Variants in B4GALNT3 observed in about 807,000 individuals in gnomAD.
B4GALNT3 encodes beta-1,4-N-acetyl-galactosaminyltransferase 3, also known as beta-1,4-N-acetylgalactosaminyltransferase 3.
In B4GALNT3, 86 loss-of-function variants were observed where a neutral mutation model predicts 120.2. The ratio of observed to expected loss-of-function variants is 0.72; its 90% CI spans 0.60 to 0.86. The LOEUF (loss-of-function observed/expected upper bound fraction) is 0.86. Ranked by LOEUF, B4GALNT3 falls within the 40% of genes least tolerant of loss-of-function variation. The pLI is 0.00. For synonymous variants in B4GALNT3, 518 were observed against 510.4 expected (o/e 1.01, Z -0.20); for missense variants, 1,167 against 1,298.9 (o/e 0.90, Z 1.56).
chr12:556,476 C>A, intron 14 of B4GALNT3, 71 bp from the exon 15 acceptor site: 2 of 1,437,332 alleles, frequency 1.4e-6, no homozygotes, highest in Non-Finnish European at 1.9e-6. Context: ...GCTTTGCAGG[C>A]TTCTCACACA....
rs761597300 is a variant in B4GALNT3 at position 549,922 on chromosome 12, C to T, written c.997+10C>T. 3.8e-5 allele frequency: 61 copies of T among 1,605,526 alleles called. No individual in the cohort carries two copies. Among genetic ancestry groups the T allele is most frequent in the South Asian group, 3.4e-4 (31 of 89,960 alleles). On this transcript the variant is annotated intron_variant, in intron 10 of 19. Coordinates refer to ENST00000266383, the MANE Select transcript of B4GALNT3 (RefSeq NM_173593.4). ...GACACCCTCTATCGAGGTAAGGCCTCGGCCAGCGCTTGGCGTCCTTTCTGG... is the reference window on the plus strand; with the variant it reads ...GACACCCTCTATCGAGGTAAGGCCTTGGCCAGCGCTTGGCGTCCTTTCTGG...
chr12:496,461 G>T (rs928321922), intron 1 of B4GALNT3, among the ~76,000 whole-genome samples: 1 of 152,060 alleles, frequency 6.6e-6, no homozygotes, highest in African/African-American at 2.4e-5. Flanking sequence ...TTGTCCAGGC[G>T]TGGTGGCACA....
At chr12:541,022 C>G (rs1016737319) in intron 3 of B4GALNT3, among the ~76,000 whole-genome samples, 1 of 152,226 alleles carries the variant, frequency 6.6e-6, no homozygotes, top group African/African-American at 2.4e-5. Context: ...GGATTACAGG[C>G]GTGAGCCACC....
At chr12:532,136 G>A (rs2120654035) in intron 1 of B4GALNT3, among the ~76,000 whole-genome samples, 1 of 152,268 alleles carries the variant, frequency 6.6e-6, no homozygotes, top group Non-Finnish European at 1.5e-5. Context: ...CAGAAGGCTT[G>A]CTTGTCTTCC....
intron 1 of B4GALNT3, among the ~76,000 whole-genome samples, chr12:472,049 G>GT (rs1946142320): frequency 5.9e-5 from 9 of 152,142 alleles, no homozygotes; most frequent in Admixed American, 5.2e-4. Flanking sequence ...TTGTTATTCG[G>GT]GTGTGTGTGT....
At chr12:561,136 A>G (rs1472582067) in intron 19 of B4GALNT3, among the ~76,000 whole-genome samples, 1 of 152,246 alleles carries the variant, frequency 6.6e-6, no homozygotes, top group Non-Finnish European at 1.5e-5. Context: ...AGAGATGAGC[A>G]GACAGGCTCT....
At chr12:469,743 C>T (rs1035523320) in intron 1 of B4GALNT3, among the ~76,000 whole-genome samples, 1 of 152,114 alleles carries the variant, frequency 6.6e-6, no homozygotes, top group African/African-American at 2.4e-5. Context: ...TGCTGCATAC[C>T]CCTGTGTACA....
At chr12:465,687 C>A (rs1946071187) in intron 1 of B4GALNT3, among the ~76,000 whole-genome samples, 1 of 152,208 alleles carries the variant, frequency 6.6e-6, no homozygotes, top group Non-Finnish European at 1.5e-5. Context: ...GCCATCTTTA[C>A]CCTGCCTACT....
intron 1 of B4GALNT3, among the ~76,000 whole-genome samples, chr12:482,603 A>G (rs1946252391): frequency 6.6e-6 from 1 of 152,236 alleles, no homozygotes; most frequent in Non-Finnish European, 1.5e-5. Flanking sequence ...TGGTAAAGAG[A>G]AAACCAAGGA....
chr12:479,776 A>C (rs991399436), intron 1 of B4GALNT3, among the ~76,000 whole-genome samples: 2 of 151,622 alleles, frequency 1.3e-5, no homozygotes, highest in African/African-American at 4.9e-5. Context: ...ACCGTGTCCA[A>C]CTGAGGCCTT....
chr12:504,770 C>G (rs1472293157), intron 1 of B4GALNT3, among the ~76,000 whole-genome samples: 1 of 152,090 alleles, frequency 6.6e-6, no homozygotes, highest in Non-Finnish European at 1.5e-5. Context: ...ACCATGTTGT[C>G]AAATCTTCTC....
At chr12:480,433 G>C (rs11063185) in intron 1 of B4GALNT3, among the ~76,000 whole-genome samples, 18,562 of 106,694 alleles carry the variant, frequency 0.17, 2,824 homozygotes, top group African/African-American at 0.45. Context: ...GCTTGACGGT[G>C]TGGTTCCTGA....
intron 3 of B4GALNT3, among the ~76,000 whole-genome samples, chr12:541,828 A>T: frequency 1.1e-5 from 1 of 93,736 alleles, no homozygotes; most frequent in East Asian, 4.5e-4. Context: ...CTCCCTGCCC[A>T]GTCCCCCCCC....
At chr12:533,382 C>T (rs1393197566) in intron 1 of B4GALNT3, among the ~76,000 whole-genome samples, 2 of 152,264 alleles carry the variant, frequency 1.3e-5, no homozygotes, top group Non-Finnish European at 2.9e-5. Flanking sequence ...CAGACCTCTT[C>T]CTGCCAGCTG....
At chr12:537,398 T>C (rs1346542831) in intron 3 of B4GALNT3, among the ~76,000 whole-genome samples, 1 of 152,180 alleles carries the variant, frequency 6.6e-6, no homozygotes, top group African/African-American at 2.4e-5. Flanking sequence ...ACTACAGGGA[T>C]GTACCACCGT....
chr12:558,735 G>A, intron 18 of B4GALNT3, 74 bp downstream of exon 18: 4 of 1,507,214 alleles, frequency 2.7e-6, no homozygotes, highest in Non-Finnish European at 3.6e-6. Flanking sequence ...GCTGGGAACA[G>A]TCATATCTAT....
intron 1 of B4GALNT3, among the ~76,000 whole-genome samples, chr12:532,229 G>C (rs1170511011): frequency 1.3e-5 from 2 of 152,178 alleles, no homozygotes; most frequent in African/African-American, 4.8e-5. Flanking sequence ...CAAGTTTTAG[G>C]TATCTCACAG....
chr12:546,568 C>G (rs1337180768), intron 6 of B4GALNT3, 78 bp from the exon 7 acceptor site: 1 of 1,304,084 alleles, frequency 7.7e-7, no homozygotes, highest in East Asian at 2.5e-5. Context: ...GGTTCTCCTT[C>G]CTGGTCTCGC....
At chr12:515,011 C>T (rs12368376) in intron 1 of B4GALNT3, among the ~76,000 whole-genome samples, 1 of 152,000 alleles carries the variant, frequency 6.6e-6, no homozygotes, top group Non-Finnish European at 1.5e-5. Flanking sequence ...GAGCAAGGCT[C>T]TGTCTCAAAA....
Sources: allele counts gnomAD v4.1 joint callset (sites outside exome capture counted in the v4.1 genomes callset), GRCh38; gene constraint gnomAD v4.1.1; transcripts MANE v1.5; gene names NCBI Gene and HGNC (gene_info 2026-07-23, HGNC 2026-07-21).